The following NEDD4 variants were observed in gnomAD, a reference collection of about 807,000 sequenced individuals.
The protein encoded by NEDD4 is E3 ubiquitin-protein ligase NEDD4.
In NEDD4, 99 loss-of-function variants were observed where a neutral mutation model predicts 144.9. The ratio of observed to expected loss-of-function variants is 0.68; its 90% confidence interval spans 0.58 to 0.81. The LOEUF is 0.81. Ranked by LOEUF, NEDD4 falls within the 30% of genes least tolerant of loss-of-function variation. The pLI, the probability that NEDD4 is intolerant of heterozygous loss-of-function variation, is 0.00. For missense variants in NEDD4, 985 were observed against 1,065.9 expected (o/e 0.92, Z 1.06); for synonymous variants, 318 against 350.6 (o/e 0.91, Z 1.04).
chr15:55,925,434 T>C (rs569580481), intron 4 of NEDD4, among the ~76,000 whole-genome samples: 1 of 152,232 alleles, frequency 6.6e-6, no homozygotes, highest in Non-Finnish European at 1.5e-5. Context: ...TATTATTGAC[T>C]TAATAAAATT....
chr15:55,924,548 G>A lies in NEDD4; in HGVS notation c.291+98C>T, dbSNP rs1186951032. ...CCAGAGTCTCCATAACCACCCCCAA[G>A]CCATCACTCAAATCCCAGACTGCTT... On this transcript the variant is annotated intron_variant, in intron 5 of 28. Coordinates refer to ENST00000435532, the MANE Select transcript of NEDD4 (RefSeq NM_006154.4). 7 of 1,026,464 alleles carry A rather than the reference G, an allele frequency of 6.8e-6. No individual in the cohort carries two copies. The East Asian group carries it at 1.3e-4, about 19-fold the overall frequency. The allele number at this position is 1,026,464 out of a possible 1,614,324, so 63.6% of individuals were successfully genotyped here.
intron 13 of NEDD4, among the ~76,000 whole-genome samples, chr15:55,852,204 G>A (rs2034008244): frequency 1.3e-5 from 2 of 152,002 alleles, no homozygotes; most frequent in East Asian, 2.0e-4. Context: ...GGTGAGGCAG[G>A]AGAATCGCTT....
chr15:55,993,457 GGCT>G (rs1227430227), intron 1 of NEDD4, 51 bp downstream of exon 1: 1 of 1,579,426 alleles, frequency 6.3e-7, no homozygotes, highest in East Asian at 2.5e-5. Context: ...CCCCGGGTCC[GGCT>G]GCTGAATAAC....
At chr15:55,861,104 T>C (rs766208589) in intron 9 of NEDD4, among the ~76,000 whole-genome samples, 11 of 152,358 alleles carry the variant, frequency 7.2e-5, no homozygotes, top group Admixed American at 2.6e-4. Flanking sequence ...GAGCGCTTCA[T>C]AGATTATTTC....
At chr15:55,984,510 T>C (rs1468390112) in intron 1 of NEDD4, among the ~76,000 whole-genome samples, 1 of 152,222 alleles carries the variant, frequency 6.6e-6, no homozygotes, top group African/African-American at 2.4e-5. Context: ...AGGTTGACTC[T>C]TTTTCCCAAA....
intron 4 of NEDD4, among the ~76,000 whole-genome samples, chr15:55,933,258 T>C (rs2036817614): frequency 6.6e-6 from 1 of 151,978 alleles, no homozygotes; most frequent in African/African-American, 2.4e-5. Flanking sequence ...CTATTCACAA[T>C]AGCAAAGACT....
chr15:55,986,971 C>A (rs947112231), intron 1 of NEDD4, among the ~76,000 whole-genome samples: 39 of 151,562 alleles, frequency 2.6e-4, no homozygotes, highest in Non-Finnish European at 4.6e-4. Context: ...ATTTATAGTC[C>A]TTTGGGTATA....
intron 1 of NEDD4, among the ~76,000 whole-genome samples, chr15:55,988,626 A>T (rs1222539118): frequency 1.3e-5 from 2 of 152,140 alleles, no homozygotes; most frequent in African/African-American, 4.8e-5. Context: ...TATTAGTAAC[A>T]TTTATCAAAA....
intron 1 of NEDD4, among the ~76,000 whole-genome samples, chr15:55,989,604 T>C (rs1343009211): frequency 1.3e-5 from 2 of 152,254 alleles, no homozygotes; most frequent in Admixed American, 6.5e-5. Context: ...ATTCTGTATG[T>C]GCAAACTGCA....
intron 4 of NEDD4, among the ~76,000 whole-genome samples, chr15:55,929,648 T>G (rs2036742530): frequency 6.6e-6 from 1 of 152,172 alleles, no homozygotes; most frequent in South Asian, 2.1e-4. Flanking sequence ...TAACTAAAAT[T>G]GTAACATATA....
intron 5 of NEDD4, among the ~76,000 whole-genome samples, chr15:55,877,670 T>A (rs1308793503): frequency 6.6e-6 from 1 of 152,206 alleles, no homozygotes; most frequent in Non-Finnish European, 1.5e-5. Flanking sequence ...GCTTGCCAAA[T>A]GTTGACTTTC....
At chr15:55,912,991 A>G (rs1466781642) in intron 5 of NEDD4, among the ~76,000 whole-genome samples, 1 of 152,144 alleles carries the variant, frequency 6.6e-6, no homozygotes, top group Non-Finnish European at 1.5e-5. Context: ...TTCTCATTAG[A>G]TTTAAAAAAT....
intron 24 of NEDD4, 77 bp downstream of exon 24, chr15:55,837,712 T>G: frequency 1.1e-6 from 1 of 940,646 alleles, no homozygotes; most frequent in Non-Finnish European, 1.6e-6. Flanking sequence ...TTTTCTCAGA[T>G]GTGATGAGGC....
chr15:55,960,688 GT>G (rs1405166088), intron 2 of NEDD4, among the ~76,000 whole-genome samples: 2 of 151,976 alleles, frequency 1.3e-5, no homozygotes, highest in African/African-American at 4.8e-5. Flanking sequence ...TATTAGTTCT[GT>G]CCCCCTAGAG....
chr15:55,917,189 ATGAG>A (rs1322974909), intron 5 of NEDD4: 2 of 1,004,988 alleles, frequency 2.0e-6, no homozygotes, highest in South Asian at 4.4e-5. Context: ...ATTTGCATGA[ATGAG>A]TAACACAAGA....
chr15:55,850,730 T>G lies in NEDD4; in HGVS notation c.1159A>C (p.Thr387Pro), dbSNP rs1236391404. The G allele has an allele frequency of 3.7e-6, 6 of 1,613,416 alleles. No homozygotes were observed. The African/African-American group carries it at 5.3e-5, about 14-fold the overall frequency. Residue 387 changes from threonine (T) to proline (P), a missense_variant, in exon 14 of 29, where the codon ACC becomes CCC. Physicochemically the swap from Thr to Pro is conservative, Grantham distance 38. Coordinates refer to ENST00000435532, the MANE Select transcript of NEDD4 (RefSeq NM_006154.4). The stretch of plus-strand genomic sequence containing the variant: ...CTCTGGCTTGAGGTCAGCTGACTGG[T>G]CTCCACTGTGGCCTAGCACATTAAT... The part of the protein sequence containing the change: ...TKPTVQATVE[T>P]SQLTSSQSSA...
chr15:55,925,018 A>G (rs2036636779), intron 4 of NEDD4, among the ~76,000 whole-genome samples: 1 of 152,262 alleles, frequency 6.6e-6, no homozygotes, highest in African/African-American at 2.4e-5. Context: ...CAGTGAGCCA[A>G]GACTGTGCCA....
chr15:55,912,041 TAAC>T (rs1426195120), intron 5 of NEDD4, among the ~76,000 whole-genome samples: 6 of 152,212 alleles, frequency 3.9e-5, no homozygotes, highest in Admixed American at 1.3e-4. Flanking sequence ...TGTCTGAAAT[TAAC>T]AATTCCTCAG....
chr15:55,860,571 A>C lies in NEDD4; in HGVS notation c.796T>G (p.Trp266Gly), dbSNP rs769921631. 1 of 1,613,872 alleles carries C rather than the reference A, an allele frequency of 6.2e-7. No homozygotes were observed. The highest frequency in any genetic ancestry group is 8.5e-7 in the Non-Finnish European group (1 of 1,179,950). Reference protein sequence around the residue: ...SVDNRESSENWEIIREDEATM... With the variant: ...SVDNRESSENGEIIREDEATM... ...GCTTCATCTTCTCTTATAATTTCCC[A>C]GTTCTAAAATGAACAGAATAAGCTT... is the stretch of plus-strand genomic sequence containing the variant. Residue 266 changes from tryptophan to glycine, a missense_variant, in exon 11 of 29, where the codon TGG becomes GGG. Coordinates refer to ENST00000435532, the MANE Select transcript of NEDD4 (RefSeq NM_006154.4).
Sources: allele counts gnomAD v4.1 joint callset (sites outside exome capture counted in the v4.1 genomes callset), GRCh38; gene constraint gnomAD v4.1.1; transcripts MANE v1.5; gene names NCBI Gene and HGNC (gene_info 2026-07-23, HGNC 2026-07-21).